The following BCAS3 variants were observed in gnomAD, a reference collection of about 807,000 sequenced individuals.
BCAS3 encodes the protein BCAS3 microtubule associated cell migration factor, also known as BCAS4/BCAS3 fusion.
A neutral mutation model predicts 116.1 loss-of-function variants in BCAS3; 53 were observed. The ratio of observed to expected loss-of-function variants is 0.46; its 90% CI spans 0.37 to 0.57. BCAS3 has a LOEUF of 0.57. Among genes scored for constraint, BCAS3 ranks in the 20% least tolerant of loss-of-function variants. The pLI is 0.00. For missense variants in BCAS3, 917 were observed against 1,165.4 expected, an observed-to-expected ratio of 0.79 and a Z score of 3.10; for synonymous variants, 391 against 408.2, an observed-to-expected ratio of 0.96 and a Z score of 0.51.
intron 18 of BCAS3, among the ~76,000 whole-genome samples, chr17:61,038,651 G>GTTTTGT (rs1337670186): frequency 1.3e-4 from 17 of 133,536 alleles, no homozygotes; most frequent in South Asian, 2.4e-4. Context: ...CCTTTTTTTT[G>GTTTTGT]TTTTGTTTTT....
chr17:61,234,723 C>G (rs575875096), intron 22 of BCAS3, among the ~76,000 whole-genome samples: 11 of 150,246 alleles, frequency 7.3e-5, no homozygotes, highest in Non-Finnish European at 1.5e-4. Flanking sequence ...AGGGCCTTTT[C>G]CAGCCAGCAG....
At chr17:60,776,674 G>A (rs1007573287) in intron 6 of BCAS3, among the ~76,000 whole-genome samples, 9 of 143,876 alleles carry the variant, frequency 6.3e-5, no homozygotes, top group Non-Finnish European at 4.5e-5. Context: ...AGCCGAGATC[G>A]CACCACTGTA....
Position 61,282,590 on chromosome 17 carries a change from T to C in BCAS3, c.2426-85737T>C, listed in dbSNP as rs542772362. 1.9e-4 allele frequency among the ~76,000 whole-genome samples: 29 copies of C among 152,336 alleles called. No homozygotes were observed. The East Asian group carries it at 4.8e-3, about 25-fold the overall frequency. ...CAGCGAGGGAGGCTCCAAGGACAAG[T>C]TGAATGCCCAAGTTATAGAAAGTTA... On this transcript the variant is annotated intron_variant, in intron 22 of 23. Coordinates refer to ENST00000407086, the MANE Select transcript of BCAS3 (RefSeq NM_017679.5). This position sits in a 1 kb window ranked among gnomAD's most constrained non-coding sequence, Gnocchi z 5.9.
chr17:61,143,698 A>G (rs1398026404), intron 22 of BCAS3, among the ~76,000 whole-genome samples: 1 of 152,156 alleles, frequency 6.6e-6, no homozygotes, highest in Non-Finnish European at 1.5e-5. Flanking sequence ...AATCCCAGGT[A>G]CTAGGGAGGC....
At chr17:60,710,505 C>T (rs539251332) in intron 5 of BCAS3, among the ~76,000 whole-genome samples, 272 of 150,304 alleles carry the variant, frequency 1.8e-3, no homozygotes, top group Non-Finnish European at 2.7e-3. Context: ...AATCTCGGCT[C>T]ACTGCAAGCT....
chr17:60,987,907 C>G (rs1830710802), intron 14 of BCAS3, among the ~76,000 whole-genome samples: 1 of 152,104 alleles, frequency 6.6e-6, no homozygotes, highest in African/African-American at 2.4e-5. Context: ...TGTTCCATAT[C>G]TTGGCAGAAA....
At chr17:60,702,910 A>G (rs1459475447) in intron 4 of BCAS3, among the ~76,000 whole-genome samples, 1 of 152,090 alleles carries the variant, frequency 6.6e-6, no homozygotes, top group African/African-American at 2.4e-5. Context: ...GAAATTCTTG[A>G]TGCTGTCATT....
At chr17:60,952,609 C>G (rs1204648503) in intron 14 of BCAS3, among the ~76,000 whole-genome samples, 2 of 152,116 alleles carry the variant, frequency 1.3e-5, no homozygotes, top group African/African-American at 4.8e-5. Flanking sequence ...TGTGAGCCAC[C>G]GTGCCTGGCC....
At chr17:60,816,837 G>A (rs371501194) in intron 7 of BCAS3, among the ~76,000 whole-genome samples, 64 of 152,308 alleles carry the variant, frequency 4.2e-4, no homozygotes, top group African/African-American at 1.5e-3. Context: ...TGGCGCTAGA[G>A]TGACAATGGT....
At chr17:61,133,464 T>C (rs2076446867) in intron 22 of BCAS3, among the ~76,000 whole-genome samples, 1 of 152,206 alleles carries the variant, frequency 6.6e-6, no homozygotes, top group African/African-American at 2.4e-5. Flanking sequence ...TTTAGGCTGC[T>C]GGACTAATTG....
intron 22 of BCAS3, among the ~76,000 whole-genome samples, chr17:61,308,741 G>A (rs972792222): frequency 6.6e-6 from 1 of 151,974 alleles, no homozygotes; most frequent in Non-Finnish European, 1.5e-5. Flanking sequence ...CTTTTAGAAC[G>A]GATTGGTCTG....
At chr17:61,236,593 T>C (rs902669991) in intron 22 of BCAS3, among the ~76,000 whole-genome samples, 7 of 152,210 alleles carry the variant, frequency 4.6e-5, no homozygotes, top group African/African-American at 1.7e-4. Flanking sequence ...GTGCTGGGAT[T>C]ACAGGCGTGA....
intron 19 of BCAS3, among the ~76,000 whole-genome samples, chr17:61,057,952 A>C (rs2069560372): frequency 6.6e-6 from 1 of 151,964 alleles, no homozygotes; most frequent in African/African-American, 2.4e-5. Context: ...TAGCATAGCT[A>C]CTTTTTTTTT....
chr17:61,092,797 G>A (rs571188638), intron 22 of BCAS3, among the ~76,000 whole-genome samples: 16 of 148,572 alleles, frequency 1.1e-4, no homozygotes, highest in South Asian at 4.2e-4. Flanking sequence ...AGTTAATTGC[G>A]TTTTCACTTT....
At chr17:60,769,110 A>G (rs958043665) in intron 6 of BCAS3, among the ~76,000 whole-genome samples, 5 of 152,082 alleles carry the variant, frequency 3.3e-5, no homozygotes, top group African/African-American at 1.2e-4. Flanking sequence ...GTGGTGATGT[A>G]CTGATCTGGG....
intron 22 of BCAS3, among the ~76,000 whole-genome samples, chr17:61,314,745 A>G (rs1169504594): frequency 6.6e-6 from 1 of 152,174 alleles, no homozygotes; most frequent in Non-Finnish European, 1.5e-5. Flanking sequence ...TTATCTCCCT[A>G]TTCTCTCCCC....
At chr17:61,262,931 A>T (rs918739462) in intron 22 of BCAS3, among the ~76,000 whole-genome samples, 1 of 151,962 alleles carries the variant, frequency 6.6e-6, no homozygotes, top group African/African-American at 2.4e-5. Context: ...ACCTCAGGTG[A>T]TCCACCCGCC....
chr17:60,979,880 C>T (rs1600184257), intron 14 of BCAS3, among the ~76,000 whole-genome samples: 1 of 151,988 alleles, frequency 6.6e-6, no homozygotes, highest in East Asian at 1.9e-4. Context: ...TTTTGATGTG[C>T]TGCTGGATTC....
intron 22 of BCAS3, among the ~76,000 whole-genome samples, chr17:61,252,313 A>C (rs2048431799): frequency 6.6e-6 from 1 of 152,196 alleles, no homozygotes; most frequent in Non-Finnish European, 1.5e-5. Context: ...GTATTTAGGA[A>C]ATAGCACTTA....
Sources: gnomAD v4.1 joint callset for allele counts (sites outside exome capture counted in the v4.1 genomes callset) on GRCh38, gnomAD v4.1.1 for gene constraint, Gnocchi (gnomAD v3.1) non-coding constraint, MANE v1.5 for transcripts, NCBI Gene and HGNC (gene_info 2026-07-23, HGNC 2026-07-21) for gene names.